MRE11: variants seen among roughly 807,000 people sequenced by gnomAD.
MRE11 encodes MRE11 double strand break repair nuclease.
In MRE11, 62 loss-of-function variants were observed where a neutral mutation model predicts 91.7. That is an observed-to-expected ratio of 0.68 (90% CI 0.55 to 0.84). The LOEUF (loss-of-function observed/expected upper bound fraction) is 0.84, where lower values mean the gene tolerates loss of function less well. MRE11 is among the 40% of genes least tolerant of loss of function. The probability of loss-of-function intolerance (pLI) is 0.00; values close to 1 mark genes in which losing one functional copy is unlikely to be tolerated. For synonymous variants in MRE11, 273 were observed against 271.4 expected, an observed-to-expected ratio of 1.01 and a Z score of -0.06; for missense variants, 796 against 852.9, an observed-to-expected ratio of 0.93 and a Z score of 0.83.
chr11:94,479,863 A>G (rs1424131701), intron 4 of MRE11, 102 bp from the exon 5 acceptor site: 8 of 852,938 alleles, frequency 9.4e-6, no homozygotes, highest in African/African-American at 1.7e-5. Flanking sequence ...AAACTGCATA[A>G]TCTACATTGG....
At position 94,464,223 on chromosome 11, in the gene MRE11, C is replaced by T. The variant is rs1591681256; in HGVS notation, c.1115G>A (p.Gly372Asp). Residue 372 changes from glycine to aspartate, a missense_variant, in exon 11 of 20, where the codon GGT (glycine) becomes GAT (aspartate). Transcript: ENST00000323929. Reference protein sequence around the residue: ...LVRLRVDYSGGFEPFSVLRFS... With the variant: ...LVRLRVDYSGDFEPFSVLRFS... Reference sequence around the variant, plus strand: ...GCGAAGAACACTGAAAGGTTCAAAACCTCCACTATAGTCCACCTGAAAACA... The same window carrying T: ...GCGAAGAACACTGAAAGGTTCAAAATCTCCACTATAGTCCACCTGAAAACA... The T allele has an allele frequency of 3.1e-6, 5 of 1,613,894 alleles. No individual in the cohort carries two copies. The highest frequency in any genetic ancestry group is 4.2e-6 in the Non-Finnish European group (5 of 1,179,876).
At chr11:94,474,504 T>A (rs1176079144) in intron 7 of MRE11, among the ~76,000 whole-genome samples, 3 of 151,994 alleles carry the variant, frequency 2.0e-5, no homozygotes, top group Non-Finnish European at 4.4e-5. Context: ...ATTCCATTAA[T>A]AAATATAGAA....
chr11:94,418,753 T>C lies in MRE11; in HGVS notation c.*1372A>G, dbSNP rs537279818. The C allele has an allele frequency of 3.0e-5, 7 of 232,368 alleles. No homozygotes were observed. The highest frequency in any genetic ancestry group is 6.0e-5 in the Non-Finnish European group (7 of 117,544). 14.4% of individuals were successfully genotyped at this position (232,368 alleles called of 1,614,324 possible). A position where few individuals can be genotyped will look rare whatever the true frequency, so the allele number is the denominator to read the frequency against. On this transcript the variant is annotated 3_prime_UTR_variant, in exon 20 of 20. Transcript: ENST00000323929. ...ACAATGCCTTCCACTGAGTTAATGT[T>C]ACTTGCTCAAATAACCCTTATGCTC...
In MRE11 at chr11:94,436,825, T is replaced by C. The variant is rs187304885; in HGVS notation, c.1926+352A>G. On this transcript the variant is annotated intron_variant, in intron 17 of 19. Transcript: ENST00000323929. Reference sequence around the variant, plus strand: ...AGGCACAGCTAGTATTTTGGGAAGATAAGTAACAAAAGGAAATCCAGCATA... The same window carrying C: ...AGGCACAGCTAGTATTTTGGGAAGACAAGTAACAAAAGGAAATCCAGCATA... 2.6e-3 allele frequency among the ~76,000 whole-genome samples: 400 copies of C among 152,312 alleles called. 3 individuals carry two copies. The highest frequency in any genetic ancestry group is 9.3e-3 in the African/African-American group (387 of 41,570).
At chr11:94,430,575 G>A (rs1175706876) in intron 18 of MRE11, among the ~76,000 whole-genome samples, 1 of 151,226 alleles carries the variant, frequency 6.6e-6, no homozygotes, top group African/African-American at 2.4e-5. Context: ...CCACCTCCCA[G>A]TTCAAGCGAT....
chr11:94,438,231 A>C (rs749147046), intron 16 of MRE11, among the ~76,000 whole-genome samples: 15 of 152,236 alleles, frequency 9.9e-5, no homozygotes, highest in African/African-American at 1.7e-4. Context: ...AATATCAAAA[A>C]TATCTTCCCC....
At chr11:94,460,299 G>C (rs1946381400) in intron 12 of MRE11, among the ~76,000 whole-genome samples, 1 of 152,160 alleles carries the variant, frequency 6.6e-6, no homozygotes, top group Admixed American at 6.5e-5. Flanking sequence ...TAAGTTTGTG[G>C]AAATTTGTTT....
intron 4 of MRE11, 98 bp downstream of exon 4, chr11:94,485,826 A>G: frequency 1.8e-6 from 2 of 1,110,756 alleles, no homozygotes. Context: ...CTAAGAAAAT[A>G]GCTTATATGG....
chr11:94,465,395 CTT>C lies in MRE11; in HGVS notation c.1099-1158_1099-1157del, dbSNP rs752729940. 1.7e-3 allele frequency among the ~76,000 whole-genome samples: 217 copies of C among 127,926 alleles called. 1 individual carries two copies. The highest frequency in any genetic ancestry group is 5.4e-3 in the African/African-American group (175 of 32,476). 83.9% of individuals were successfully genotyped at this position (127,926 alleles called of 152,430 possible). A position where few individuals can be genotyped will look rare whatever the true frequency, so the allele number is the denominator to read the frequency against. On this transcript the variant is annotated intron_variant, in intron 10 of 19. Transcript: ENST00000323929. ...TTACCCAGACCATCTCTCTCTCTCT[CTT>C]TTTTTTTTTTTTTTTTTTGAGATGG...
chr11:94,504,157 C>G, the MRE11 span, among the ~76,000 whole-genome samples: 1 of 152,140 alleles, frequency 6.6e-6, no homozygotes, highest in Non-Finnish European at 1.5e-5. Context: ...TATGCCGTAG[C>G]TTGATCGTGG....
At chr11:94,486,594 C>A (rs1947148242) in intron 3 of MRE11, among the ~76,000 whole-genome samples, 1 of 152,152 alleles carries the variant, frequency 6.6e-6, no homozygotes, top group Admixed American at 6.5e-5. Context: ...TGATCCCTAT[C>A]CTAAATATGT....
At chr11:94,427,873 A>G (rs1317950324) in intron 19 of MRE11, among the ~76,000 whole-genome samples, 2 of 152,228 alleles carry the variant, frequency 1.3e-5, no homozygotes, top group African/African-American at 4.8e-5. Flanking sequence ...ACTATGAAAC[A>G]CTGCTGAAAG....
chr11:94,478,198 G>A (rs1946920337), intron 6 of MRE11, among the ~76,000 whole-genome samples: 1 of 152,018 alleles, frequency 6.6e-6, no homozygotes, highest in Non-Finnish European at 1.5e-5. Context: ...GAATGGAGGA[G>A]GAAAGGCAAT....
chr11:94,484,975 G>A (rs1255059719), intron 4 of MRE11, among the ~76,000 whole-genome samples: 1 of 152,206 alleles, frequency 6.6e-6, no homozygotes, highest in African/African-American at 2.4e-5. Context: ...ACTTTGGGAG[G>A]CCAAGGCAGG....
rs377577105 is a variant in MRE11, at chr11:94,420,908, T to A, written c.2071-727A>T. On this transcript the variant is annotated intron_variant, in intron 19 of 19. Transcript: ENST00000323929. ...TTGGCCGGGTGTGGTGGCGGGCGCC[T>A]GTAGTCCCAGCTACTCGGGAGGCTG... Among the ~76,000 whole-genome samples, 48 of 152,152 alleles carry A rather than the reference T, an allele frequency of 3.2e-4. No individual in the cohort carries two copies. In the East Asian group the frequency reaches 8.3e-3, roughly 26 times the overall value.
chr11:94,499,194 C>CA, the MRE11 span: 1 of 153,076 alleles, frequency 6.5e-6, no homozygotes, highest in Non-Finnish European at 1.5e-5. Context: ...AGTCCTACCT[C>CA]ACCCTGGTCA....
chr11:94,492,842 C>G lies in MRE11; in HGVS notation c.-41G>C. ...AGCTCCTCTGGGACCAGGTTCTTCT[C>G]CAAGAACCCCTGGGTACTGTACTCA... On this transcript the variant is annotated 5_prime_UTR_variant, in exon 2 of 20. Coordinates refer to ENST00000323929, the MANE Select transcript of MRE11 (RefSeq NM_005591.4). The G allele has an allele frequency of 2.5e-6, 4 of 1,576,142 alleles. No individual in the cohort carries two copies. The highest frequency in any genetic ancestry group is 3.5e-6 in the Non-Finnish European group (4 of 1,146,438).
At chr11:94,465,615 C>T (rs1318204989) in intron 10 of MRE11, among the ~76,000 whole-genome samples, 2 of 151,968 alleles carry the variant, frequency 1.3e-5, no homozygotes, top group Non-Finnish European at 2.9e-5. Context: ...AGGCTGGTCT[C>T]GAACTCCTGA....
chr11:94,511,168 C>T, the MRE11 span, among the ~76,000 whole-genome samples: 6 of 151,508 alleles, frequency 4.0e-5, no homozygotes, highest in African/African-American at 1.2e-4. Context: ...CTTTTAATTG[C>T]CTCTCGCTCT....
Sources: allele counts gnomAD v4.1 joint callset (sites outside exome capture counted in the v4.1 genomes callset), GRCh38; gene constraint gnomAD v4.1.1; transcripts MANE v1.5; gene names NCBI Gene and HGNC (gene_info 2026-07-23, HGNC 2026-07-21).